The following PAK1 variants were observed in gnomAD, a reference collection of about 807,000 sequenced individuals.
The protein encoded by PAK1 is serine/threonine-protein kinase PAK 1.
PAK1 carries 29 observed loss-of-function variants against 67.4 expected under a neutral mutation model. The ratio of observed to expected loss-of-function variants is 0.43; its 90% confidence interval spans 0.32 to 0.59. The LOEUF is 0.59. Ranked by LOEUF, PAK1 falls within the 20% of genes least tolerant of loss-of-function variation. PAK1 has a pLI of 0.07. For synonymous variants in PAK1, 223 were observed against 237.4 expected (o/e 0.94, Z 0.56); for missense variants, 337 against 670.7 (o/e 0.50, Z 5.50).
At chr11:77,346,163 A>G (rs1056571710) in intron 9 of PAK1, among the ~76,000 whole-genome samples, 7 of 152,066 alleles carry the variant, frequency 4.6e-5, no homozygotes, top group African/African-American at 1.7e-4. Context: ...TAGTAGAAAC[A>G]GGGTTTCACC....
intron 1 of PAK1, among the ~76,000 whole-genome samples, chr11:77,437,050 G>C (rs190534521): frequency 6.6e-6 from 1 of 152,098 alleles, no homozygotes; most frequent in Non-Finnish European, 1.5e-5. Flanking sequence ...GGAAAAAGTC[G>C]TCTGGAAACT....
intron 1 of PAK1, among the ~76,000 whole-genome samples, chr11:77,458,713 C>T (rs1957186638): frequency 6.6e-6 from 1 of 151,970 alleles, no homozygotes; most frequent in Admixed American, 6.6e-5. Flanking sequence ...TTTATAAGTC[C>T]CTATAGATAA....
intron 1 of PAK1, among the ~76,000 whole-genome samples, chr11:77,447,011 G>C (rs531837919): frequency 1.5e-4 from 23 of 152,080 alleles, no homozygotes; most frequent in Admixed American, 1.4e-3. Context: ...CACCTGGAAA[G>C]AATCACTGGA....
At chr11:77,378,879 C>T (rs947363052) in intron 4 of PAK1, among the ~76,000 whole-genome samples, 7 of 152,142 alleles carry the variant, frequency 4.6e-5, no homozygotes, top group East Asian at 3.9e-4. Context: ...TGAGGCACTG[C>T]GCCCAACCAT....
chr11:77,471,236 A>T (rs564445128), intron 1 of PAK1, among the ~76,000 whole-genome samples: 1 of 152,346 alleles, frequency 6.6e-6, no homozygotes, highest in Non-Finnish European at 1.5e-5. Context: ...GTTAAGTGCT[A>T]CGGAAGAAAA....
At chr11:77,329,723 C>T (rs1235496205) in intron 14 of PAK1, among the ~76,000 whole-genome samples, 1 of 151,892 alleles carries the variant, frequency 6.6e-6, no homozygotes, top group African/African-American at 2.4e-5. Flanking sequence ...AAAACTGGCA[C>T]AAGACAGGGA....
intron 7 of PAK1, among the ~76,000 whole-genome samples, chr11:77,353,999 T>C (rs1038222539): frequency 6.6e-6 from 1 of 151,812 alleles, no homozygotes; most frequent in Non-Finnish European, 1.5e-5. Context: ...TCCATGAAAA[T>C]ATAATAATTG....
chr11:77,329,811 G>C (rs545889072), intron 14 of PAK1, among the ~76,000 whole-genome samples: 5 of 152,110 alleles, frequency 3.3e-5, no homozygotes, highest in Admixed American at 1.3e-4. Context: ...AGGAAATAAA[G>C]GGCATTCAAT....
intron 1 of PAK1, among the ~76,000 whole-genome samples, chr11:77,461,493 A>C (rs1205996808): frequency 1.3e-5 from 2 of 152,198 alleles, no homozygotes; most frequent in East Asian, 1.9e-4. Context: ...CTGTTTCTCC[A>C]GTAGAACATT....
chr11:77,348,135 G>A lies in PAK1; in HGVS notation c.885+1104C>T, dbSNP rs190455292. 3.1e-4 allele frequency among the ~76,000 whole-genome samples: 47 copies of A among 152,216 alleles called. 1 individual carries two copies. Among genetic ancestry groups the A allele is most frequent in the Non-Finnish European group, 5.6e-4 (38 of 68,010 alleles). Reference sequence around the variant, plus strand: ...CCCCTATTAACCATGACTTCTCCAGGGTGCCACGTGGTTTCAACCACCAAA... The same window carrying A: ...CCCCTATTAACCATGACTTCTCCAGAGTGCCACGTGGTTTCAACCACCAAA... On this transcript the variant is annotated intron_variant, in intron 9 of 14. Coordinates refer to ENST00000356341, the MANE Select transcript of PAK1 (RefSeq NM_002576.5).
chr11:77,513,508 A>T, the PAK1 span, among the ~76,000 whole-genome samples: 1 of 151,682 alleles, frequency 6.6e-6, no homozygotes, highest in Non-Finnish European at 1.5e-5. Flanking sequence ...CGTCTCTGCT[A>T]AAAATACAAA....
chr11:77,505,276 C>T, the PAK1 span, among the ~76,000 whole-genome samples: 1 of 152,078 alleles, frequency 6.6e-6, no homozygotes, highest in Non-Finnish European at 1.5e-5. Flanking sequence ...CAGCCGCCAC[C>T]TCCCGGGTTC....
At chr11:77,491,001 A>C in the PAK1 span, among the ~76,000 whole-genome samples, 916 of 152,112 alleles carry the variant, frequency 6.0e-3, 8 homozygotes, top group African/African-American at 0.02. Context: ...CGGAAGGCCG[A>C]AGGGTCCTCT....
At chr11:77,524,173 G>A in the PAK1 span, among the ~76,000 whole-genome samples, 2 of 152,118 alleles carry the variant, frequency 1.3e-5, no homozygotes, top group Non-Finnish European at 2.9e-5. Context: ...TTGGATCATG[G>A]CATATTGCTG....
At chr11:77,438,622 G>C (rs570581690) in intron 1 of PAK1, among the ~76,000 whole-genome samples, 11 of 152,202 alleles carry the variant, frequency 7.2e-5, no homozygotes, top group Non-Finnish European at 1.3e-4. Flanking sequence ...AGGTCACATG[G>C]CACTTAAAAA....
chr11:77,430,674 G>A (rs972823399), intron 1 of PAK1, among the ~76,000 whole-genome samples: 1 of 152,208 alleles, frequency 6.6e-6, no homozygotes, highest in Middle Eastern at 3.2e-3. Flanking sequence ...TGTGATTGCT[G>A]ACTCTTCCCC....
intron 1 of PAK1, among the ~76,000 whole-genome samples, chr11:77,446,213 T>C (rs896383416): frequency 5.9e-5 from 9 of 152,104 alleles, no homozygotes; most frequent in Non-Finnish European, 1.2e-4. Context: ...TATCCTTTAT[T>C]AAGAAGCTCA....
chr11:77,447,962 C>G (rs1052143758), intron 1 of PAK1, among the ~76,000 whole-genome samples: 1 of 152,190 alleles, frequency 6.6e-6, no homozygotes, highest in African/African-American at 2.4e-5. Flanking sequence ...CACCACACTC[C>G]CATTTGAACT....
At chr11:77,478,078 ACACT>A (rs1389515431), upstream of PAK1, among the ~76,000 whole-genome samples, 1 of 152,246 alleles carries the variant, frequency 6.6e-6, no homozygotes, top group Non-Finnish European at 1.5e-5. Flanking sequence ...ATGCACACCA[ACACT>A]CACTCAGACT....
Sources: gnomAD v4.1 joint callset for allele counts (sites outside exome capture counted in the v4.1 genomes callset) on GRCh38, gnomAD v4.1.1 for gene constraint, MANE v1.5 for transcripts, NCBI Gene and HGNC (gene_info 2026-07-23, HGNC 2026-07-21) for gene names.